AMBRA1: variants seen among roughly 807,000 people sequenced by gnomAD.
AMBRA1 encodes the protein autophagy and beclin 1 regulator 1.
A neutral mutation model predicts 125.4 loss-of-function variants in AMBRA1; 47 were observed. That is an observed-to-expected ratio of 0.37 (90% CI 0.30 to 0.48). AMBRA1 has a LOEUF of 0.48. Ranked by LOEUF, AMBRA1 falls within the 20% of genes least tolerant of loss-of-function variation. The pLI is 0.99. For missense variants in AMBRA1, 1,331 were observed against 1,693.4 expected (o/e 0.79, Z 3.76); for synonymous variants, 626 against 655.5 (o/e 0.95, Z 0.69).
At chr11:46,457,692 G>A (rs1948910575) in intron 11 of AMBRA1, among the ~76,000 whole-genome samples, 1 of 152,134 alleles carries the variant, frequency 6.6e-6, no homozygotes, top group Admixed American at 6.5e-5. Context: ...CCTGAGGTCA[G>A]GAGTTCAAGA....
chr11:46,423,935 G>C (rs771249814), intron 14 of AMBRA1, among the ~76,000 whole-genome samples: 2 of 151,568 alleles, frequency 1.3e-5, no homozygotes, highest in South Asian at 4.2e-4. Flanking sequence ...GGTTAATTTT[G>C]TATTTTTAGT....
intron 17 of AMBRA1, 83 bp from the exon 18 acceptor site, chr11:46,398,026 T>G: frequency 6.7e-7 from 1 of 1,492,334 alleles, no homozygotes; most frequent in Non-Finnish European, 8.9e-7. Flanking sequence ...CGGTAGCAGC[T>G]GGGGGATTCT....
At chr11:46,528,314 G>A (rs964090820) in intron 7 of AMBRA1, among the ~76,000 whole-genome samples, 2 of 152,152 alleles carry the variant, frequency 1.3e-5, no homozygotes, top group African/African-American at 2.4e-5. Context: ...TGGGTTACAG[G>A]TGCCCACCAC....
chr11:46,512,314 C>G (rs1215833705), intron 8 of AMBRA1, among the ~76,000 whole-genome samples: 1 of 152,226 alleles, frequency 6.6e-6, no homozygotes, highest in South Asian at 2.1e-4. Context: ...TCTAAATTCC[C>G]TCTCAAATGA....
At chr11:46,546,545 A>G (rs1030775724) in intron 4 of AMBRA1, among the ~76,000 whole-genome samples, 1 of 152,146 alleles carries the variant, frequency 6.6e-6, no homozygotes, top group African/African-American at 2.4e-5. Flanking sequence ...ACTATGTCAC[A>G]ACGGGCTGAA....
At chr11:46,446,296 G>A (rs1948280896) in intron 11 of AMBRA1, among the ~76,000 whole-genome samples, 2 of 152,210 alleles carry the variant, frequency 1.3e-5, no homozygotes, top group Admixed American at 1.3e-4. Flanking sequence ...GGCCAACTGA[G>A]CCTGTCTCTT....
Position 46,543,414 on chromosome 11 carries a change from G to A in AMBRA1, c.619-16C>T. 1 of 1,612,948 alleles carries A rather than the reference G, an allele frequency of 6.2e-7. No homozygotes were observed. The highest frequency in any genetic ancestry group is 8.5e-7 in the Non-Finnish European group (1 of 1,179,614). On this transcript the variant is annotated splice_polypyrimidine_tract_variant and intron_variant, in intron 6 of 17. Coordinates refer to ENST00000683756, the MANE Select transcript of AMBRA1 (RefSeq NM_001387011.1). ...CGTCATCACCCTGCAACGTGGACCA[G>A]CATGGGGCAGGGGGTAGAGCAAGGC...
chr11:46,504,554 T>C (rs1033878961), intron 9 of AMBRA1: 1 of 152,246 alleles, frequency 6.6e-6, no homozygotes, highest in Admixed American at 6.5e-5. Flanking sequence ...ACAGCAGGTT[T>C]CTGGATGTCC....
At chr11:46,494,930 T>A (rs896608271) in intron 9 of AMBRA1, 4 of 152,228 alleles carry the variant, frequency 2.6e-5, no homozygotes, top group Admixed American at 6.5e-5. Flanking sequence ...TGATATGTTA[T>A]CCCATTTAAT....
chr11:46,524,878 C>T (rs1404776906), intron 7 of AMBRA1, among the ~76,000 whole-genome samples: 6 of 152,228 alleles, frequency 3.9e-5, no homozygotes, highest in Non-Finnish European at 7.3e-5. Flanking sequence ...ATCACATGCA[C>T]CCCATCCACG....
chr11:46,537,185 C>G (rs1160839092), intron 7 of AMBRA1, among the ~76,000 whole-genome samples: 1 of 152,172 alleles, frequency 6.6e-6, no homozygotes, highest in Non-Finnish European at 1.5e-5. Flanking sequence ...TACAAATTAT[C>G]TAACAGACCT....
At chr11:46,583,269 A>C (rs1486606222) in intron 1 of AMBRA1, among the ~76,000 whole-genome samples, 3 of 151,930 alleles carry the variant, frequency 2.0e-5, no homozygotes, top group African/African-American at 7.3e-5. Flanking sequence ...CCTATTTAAT[A>C]AATGGTGCTG....
At chr11:46,437,393 CAAAGGACAAACGA>C (rs1390293258) in intron 12 of AMBRA1, among the ~76,000 whole-genome samples, 2 of 152,198 alleles carry the variant, frequency 1.3e-5, no homozygotes, top group Non-Finnish European at 2.9e-5. Context: ...CAGAGATATG[CAAAGGACAAACGA>C]AAAGAGAATG....
Position 46,543,091 on chromosome 11 carries a change from C to A in AMBRA1, c.926G>T (p.Cys309Phe). ...AECCQHLGIL[C>F]LCSRCSGTRV... The stretch of plus-strand genomic sequence containing the variant: ...AGTGCCAGAGCAGCGGCTGCAAAGG[C>A]ACAGGATCCCAAGGTGCTGGCAGCA... Residue 309 changes from cysteine (C) to phenylalanine (F), a missense_variant, in exon 7 of 18, where the codon TGC becomes TTC. Physicochemically the swap from Cys to Phe is radical, Grantham distance 205. This residue lies in a region of AMBRA1 where 689 missense variants were observed against 776.5 expected (regional missense o/e 0.89). Transcript: ENST00000683756. 4 of 1,589,028 alleles carry A rather than the reference C, an allele frequency of 2.5e-6. No individual in the cohort carries two copies. The highest frequency in any genetic ancestry group is 3.4e-6 in the Non-Finnish European group (4 of 1,174,720).
At chr11:46,435,846 A>G (rs1193895129) in intron 12 of AMBRA1, among the ~76,000 whole-genome samples, 2 of 152,238 alleles carry the variant, frequency 1.3e-5, no homozygotes, top group East Asian at 3.8e-4. Flanking sequence ...CAACAGCACC[A>G]ATGAGATGTT....
chr11:46,473,089 A>G (rs1949668932), intron 11 of AMBRA1, among the ~76,000 whole-genome samples: 1 of 152,274 alleles, frequency 6.6e-6, no homozygotes, highest in Non-Finnish European at 1.5e-5. Flanking sequence ...GCCTGCCTTC[A>G]GGAAAGCAAA....
chr11:46,507,163 C>CGA (rs1951068995), intron 9 of AMBRA1, among the ~76,000 whole-genome samples: 1 of 98,098 alleles, frequency 1.0e-5, no homozygotes, highest in Admixed American at 1.5e-4. Context: ...GGCAACACAG[C>CGA]AAGACTCCGT....
intron 12 of AMBRA1, among the ~76,000 whole-genome samples, chr11:46,438,020 G>T (rs766687665): frequency 2.6e-5 from 4 of 152,172 alleles, no homozygotes; most frequent in Admixed American, 6.5e-5. Context: ...ATTCCCAGGT[G>T]TCTCTGATGT....
intron 11 of AMBRA1, among the ~76,000 whole-genome samples, chr11:46,465,216 C>T (rs1949275849): frequency 6.6e-6 from 1 of 152,138 alleles, no homozygotes; most frequent in Admixed American, 6.6e-5. Context: ...CATCCCTTCC[C>T]CTAGAAACCC....
Sources: gnomAD v4.1 joint callset for allele counts (sites outside exome capture counted in the v4.1 genomes callset) on GRCh38, gnomAD v4.1.1 for gene constraint, gnomAD v4.1.1 regional missense constraint, MANE v1.5 for transcripts, NCBI Gene and HGNC (gene_info 2026-07-23, HGNC 2026-07-21) for gene names.